The following ABCA13 variants were observed in gnomAD, a reference collection of about 807,000 sequenced individuals.
The protein encoded by ABCA13 is ATP binding cassette subfamily A member 13.
Under a neutral mutation model 478.7 loss-of-function variants are expected in ABCA13, and 476 were observed. That is an observed-to-expected ratio of 0.99 (90% CI 0.92 to 1.07). ABCA13 has a LOEUF of 1.07. Ranked by LOEUF, ABCA13 falls within the 50% of genes least tolerant of loss-of-function variation. The probability of loss-of-function intolerance (pLI) is 0.00; values close to 1 mark genes in which losing one functional copy is unlikely to be tolerated. For missense variants in ABCA13, 6,060 were observed against 5,910.6 expected (o/e 1.03, Z -0.83); for synonymous variants, 2,252 against 2,158.9 (o/e 1.04, Z -1.20).
intron 48 of ABCA13, among the ~76,000 whole-genome samples, chr7:48,500,136 C>T (rs1276822690): frequency 6.6e-6 from 1 of 152,212 alleles, no homozygotes; most frequent in East Asian, 1.9e-4. Flanking sequence ...CCAACCTTGG[C>T]TACACTTCCT....
chr7:48,227,371 A>G lies in ABCA13; in HGVS notation c.578A>G (p.Asp193Gly), dbSNP rs377093766. The G allele has an allele frequency of 1.2e-6, 2 of 1,613,924 alleles. No homozygotes were observed. The highest frequency in any genetic ancestry group is 1.3e-5 in the African/African-American group (1 of 74,934). Residue 193 changes from aspartate (D) to glycine (G), a missense_variant, in exon 6 of 62, where the codon GAT (aspartate) becomes GGT (glycine). By Grantham distance (94) the Asp-to-Gly change is moderately conservative (BLOSUM62 -1). Transcript: ENST00000435803. ...CTGCCGAGACTACACACAAGCCATG[A>G]TCATGTGGAAGATGGCATGGATGTT... ...LLLPRLHTSH[D>G]HVEDGMDVAV... is the part of the protein sequence containing the mutation.
In ABCA13 at chr7:48,645,637, C is replaced by G; in HGVS notation, c.*125C>G. Reference sequence around the variant, plus strand: ...ACTCTCCAGGCCGTCAAATTATTCTCTTGTTCATTTTCTATTTTGAATCTC... The same window carrying G: ...ACTCTCCAGGCCGTCAAATTATTCTGTTGTTCATTTTCTATTTTGAATCTC... On this transcript the variant is annotated 3_prime_UTR_variant, in exon 62 of 62. Transcript: ENST00000435803. 1.3e-6 allele frequency: 1 copy of G among 748,714 alleles called. No individual in the cohort carries two copies. The allele number at this position is 748,714 out of a possible 1,614,324, so 46.4% of individuals were successfully genotyped here. A position where few individuals can be genotyped will look rare whatever the true frequency, so the allele number is the denominator to read the frequency against.
In ABCA13 at chr7:48,541,353, A is replaced by G. The variant is rs1055316740; in HGVS notation, c.14354+13008A>G. 3.3e-5 allele frequency among the ~76,000 whole-genome samples: 5 copies of G among 152,202 alleles called. No homozygotes were observed. In the East Asian group the frequency reaches 9.7e-4, roughly 29 times the overall value. ...ATCAAACATTTACTTGGACTATTAC[A>G]TCTGAAATTATTGAAATTTGTGGCT... On this transcript the variant is annotated intron_variant, in intron 55 of 61. Coordinates refer to ENST00000435803, the MANE Select transcript of ABCA13 (RefSeq NM_152701.5).
chr7:48,637,166 C>T (rs572835758), intron 59 of ABCA13, among the ~76,000 whole-genome samples: 1 of 151,974 alleles, frequency 6.6e-6, no homozygotes, highest in South Asian at 2.1e-4. Context: ...GCACCCCCTT[C>T]CTTATGTAAA....
intron 46 of ABCA13, 80 bp from the exon 47 acceptor site, chr7:48,482,996 G>A (rs1245973061): frequency 1.8e-6 from 2 of 1,102,464 alleles, no homozygotes; most frequent in Non-Finnish European, 2.6e-6. Flanking sequence ...GTACCTGGTG[G>A]GGTTAGTAAT....
At chr7:48,643,773 C>T (rs1362834962) in intron 60 of ABCA13, among the ~76,000 whole-genome samples, 1 of 152,202 alleles carries the variant, frequency 6.6e-6, no homozygotes, top group African/African-American at 2.4e-5. Context: ...CATTGCTTCA[C>T]AGAAATAGCC....
Position 48,372,638 on chromosome 7 carries a change from A to G in ABCA13, c.11133+141A>G, listed in dbSNP as rs544888773. On this transcript the variant is annotated intron_variant, in intron 33 of 61. Transcript: ENST00000435803. ...GGCTTTCTGATATCTGCTTTTTAAAATCTTACCCACAAATGCAAACCGTTG... is the reference window on the plus strand; with the variant it reads ...GGCTTTCTGATATCTGCTTTTTAAAGTCTTACCCACAAATGCAAACCGTTG... The G allele has an allele frequency of 2.4e-3, 1,837 of 749,922 alleles. 20 individuals are homozygous for G. Among genetic ancestry groups the G allele is most frequent in the South Asian group, 0.017 (701 of 42,260 alleles). The allele number at this position is 749,922 out of a possible 1,614,324, so 46.5% of individuals were successfully genotyped here.
At chr7:48,481,207 C>T in intron 46 of ABCA13, 53 bp downstream of exon 46, 4 of 1,358,632 alleles carry the variant, frequency 2.9e-6, no homozygotes, top group Non-Finnish European at 4.1e-6. Flanking sequence ...CTATGGAAAA[C>T]TTATTGTTTT....
chr7:48,523,527 A>G (rs1342714393), intron 53 of ABCA13, among the ~76,000 whole-genome samples: 2 of 151,974 alleles, frequency 1.3e-5, no homozygotes, highest in Non-Finnish European at 2.9e-5. Context: ...GATGTTGGTT[A>G]TGATACTAAC....
intron 55 of ABCA13, among the ~76,000 whole-genome samples, chr7:48,577,947 TACA>T (rs981975212): frequency 1.3e-5 from 2 of 152,090 alleles, no homozygotes; most frequent in African/African-American, 4.8e-5. Context: ...TATAATCCAT[TACA>T]ACAATAGAAT....
intron 29 of ABCA13, among the ~76,000 whole-genome samples, chr7:48,341,242 C>T (rs929298817): frequency 1.3e-5 from 2 of 152,258 alleles, no homozygotes; most frequent in East Asian, 3.9e-4. Flanking sequence ...GCTCTGTGTG[C>T]CAACACATCA....
Position 48,275,055 on chromosome 7 carries a change from AT to A in ABCA13, c.5391del (p.Leu1798PhefsTer7), listed in dbSNP as rs1452734950. 6.2e-7 allele frequency: 1 copy of A among 1,613,582 alleles called. No homozygotes were observed. Among genetic ancestry groups the A allele is most frequent in the Admixed American group, 1.7e-5 (1 of 59,914 alleles). On this transcript the variant is annotated frameshift_variant, in exon 17 of 62. Coordinates refer to ENST00000435803, the MANE Select transcript of ABCA13 (RefSeq NM_152701.5). LOFTEE classifies it high-confidence loss of function. Reference sequence around the variant, plus strand: ...GGAAGACTTCGCAATTGTGATAAAAATTCTTTTGGATACAATTGAATTAGTA... The same window carrying A: ...GGAAGACTTCGCAATTGTGATAAAAATCTTTTGGATACAATTGAATTAGTA... Reference protein sequence around the residue: ...TKEDFAIVIKILLDTIELVSD... With the variant: ...TKEDFAIVIKXLLDTIELVSD...
In ABCA13 at chr7:48,354,900, A is replaced by AT. The variant is rs1023552483; in HGVS notation, c.10688+2420dup. Among the ~76,000 whole-genome samples, 155 of 152,102 alleles carry AT rather than the reference A, an allele frequency of 1.0e-3. 1 individual carries two copies. The highest frequency in any genetic ancestry group is 1.7e-3 in the Non-Finnish European group (117 of 68,028). On this transcript the variant is annotated intron_variant, in intron 31 of 61. Transcript: ENST00000435803. The stretch of plus-strand genomic sequence containing the variant: ...TGTACTGTAGACAATGTTTGTTAAA[A>AT]TTTTTTTAGCAGTTTCCTCCTGCTT...
At chr7:48,310,929 T>A (rs1442272534) in intron 24 of ABCA13, among the ~76,000 whole-genome samples, 1 of 152,170 alleles carries the variant, frequency 6.6e-6, no homozygotes, top group African/African-American at 2.4e-5. Context: ...CTCTACTGTT[T>A]GAATCTTTAC....
intron 1 of ABCA13, among the ~76,000 whole-genome samples, chr7:48,190,623 C>G (rs1584058506): frequency 1.3e-5 from 2 of 152,206 alleles, no homozygotes; most frequent in East Asian, 3.9e-4. Flanking sequence ...GAAAAACAAC[C>G]TCATGATATC....
In ABCA13 at chr7:48,352,296, T is replaced by C; in HGVS notation, c.10497T>C (p.Asp3499=). The change falls in exon 31 of 62, where the codon GAT becomes GAC. Residue 3499 remains aspartate, a synonymous_variant. Coordinates refer to ENST00000435803, the MANE Select transcript of ABCA13 (RefSeq NM_152701.5). ...ATGTGTTATACAGCGTGCGAACAGATGTGGTAAAAAACCCTTCTTGGAAGT... is the reference window on the plus strand; with the variant it reads ...ATGTGTTATACAGCGTGCGAACAGACGTGGTAAAAAACCCTTCTTGGAAGT... ...RTNVLYSVRT[D]VVKNPSWKFH... The C allele has an allele frequency of 6.2e-7, 1 of 1,613,860 alleles. No homozygotes were observed. Among genetic ancestry groups the C allele is most frequent in the Non-Finnish European group, 8.5e-7 (1 of 1,179,884 alleles).
chr7:48,451,292 C>T (rs1306585651), intron 42 of ABCA13, among the ~76,000 whole-genome samples: 1 of 151,942 alleles, frequency 6.6e-6, no homozygotes, highest in Non-Finnish European at 1.5e-5. Flanking sequence ...AGCCATCGCG[C>T]CCAGCAAGAT....
intron 48 of ABCA13, among the ~76,000 whole-genome samples, chr7:48,495,844 A>G (rs34798730): frequency 0.047 from 7,206 of 152,140 alleles, 198 homozygotes; most frequent in South Asian, 0.12. Flanking sequence ...TCCTTTGCAT[A>G]TATGTAGTGT....
intron 20 of ABCA13, among the ~76,000 whole-genome samples, chr7:48,289,294 C>A (rs1798180306): frequency 6.6e-6 from 1 of 151,282 alleles, no homozygotes. Flanking sequence ...TTCTTATTTC[C>A]AGGTTGTGCA....
Sources: allele counts gnomAD v4.1 joint callset (sites outside exome capture counted in the v4.1 genomes callset), GRCh38; gene constraint gnomAD v4.1.1; transcripts MANE v1.5; gene names NCBI Gene and HGNC (gene_info 2026-07-23, HGNC 2026-07-21).